Variants in CAP2 observed in about 807,000 individuals in gnomAD.
The protein encoded by CAP2 is cyclase associated actin cytoskeleton regulatory protein 2, also known as adenylyl cyclase-associated protein 2.
CAP2 carries 24 observed loss-of-function variants against 57.7 expected under a neutral mutation model. That is an observed-to-expected ratio of 0.42 (90% CI 0.30 to 0.58). The LOEUF (loss-of-function observed/expected upper bound fraction) is 0.58. Among genes scored for constraint, CAP2 ranks in the 20% least tolerant of loss-of-function variants. The pLI is 0.22. For missense variants in CAP2, 501 were observed against 590.3 expected (o/e 0.85, Z 1.57); for synonymous variants, 194 against 207.2 (o/e 0.94, Z 0.55).
intron 1 of CAP2, among the ~76,000 whole-genome samples, chr6:17,413,540 A>G (rs1388432506): frequency 6.6e-6 from 1 of 152,196 alleles, no homozygotes; most frequent in East Asian, 1.9e-4. Context: ...AGATATGAGC[A>G]TTGTGCCTAG....
chr6:17,511,856 G>A (rs1032367247), intron 6 of CAP2, among the ~76,000 whole-genome samples: 18 of 152,020 alleles, frequency 1.2e-4, no homozygotes, highest in Non-Finnish European at 2.2e-4. Flanking sequence ...CCCTACCATA[G>A]CTTCTTCCAG....
chr6:17,464,200 T>A (rs1760803335), intron 4 of CAP2, among the ~76,000 whole-genome samples: 1 of 152,244 alleles, frequency 6.6e-6, no homozygotes, highest in South Asian at 2.1e-4. Context: ...GTAGTGGCAC[T>A]ACCAGCATAC....
At chr6:17,503,432 C>G (rs948824229) in intron 4 of CAP2, among the ~76,000 whole-genome samples, 1 of 151,964 alleles carries the variant, frequency 6.6e-6, no homozygotes, top group Non-Finnish European at 1.5e-5. Flanking sequence ...ACCAAAACCC[C>G]GTCTCTTCTA....
At chr6:17,461,645 C>T (rs1760721945) in intron 3 of CAP2, among the ~76,000 whole-genome samples, 1 of 151,884 alleles carries the variant, frequency 6.6e-6, no homozygotes, top group Non-Finnish European at 1.5e-5. Flanking sequence ...AATGGTTAAT[C>T]CTGGGTGATC....
chr6:17,497,704 T>C (rs1028385), intron 4 of CAP2, among the ~76,000 whole-genome samples: 101,014 of 152,016 alleles, frequency 0.66, 34,358 homozygotes, highest in East Asian at 0.73. Flanking sequence ...ACACTAGAGC[T>C]TCCTCTGTCT....
chr6:17,539,204 C>G (rs192010997), intron 7 of CAP2, 65 bp from the exon 8 acceptor site: 1 of 1,487,930 alleles, frequency 6.7e-7, no homozygotes, highest in East Asian at 2.3e-5. Context: ...TCGACTCTCT[C>G]GGGCAAAATC....
intron 3 of CAP2, among the ~76,000 whole-genome samples, chr6:17,454,915 C>T (rs1468932191): frequency 6.6e-6 from 1 of 152,072 alleles, no homozygotes; most frequent in Non-Finnish European, 1.5e-5. Context: ...TCTAGACATT[C>T]ATCCCGTCAC....
chr6:17,513,245 T>C lies in CAP2; in HGVS notation c.531-604T>C, dbSNP rs1232589690. 6.6e-6 allele frequency among the ~76,000 whole-genome samples: 1 copy of C among 152,118 alleles called. No individual in the cohort carries two copies. Among genetic ancestry groups the C allele is most frequent in the East Asian group, 1.9e-4 (1 of 5,188 alleles). ...CTGGTTTGTATTGTCATTCAAAGTA[T>C]TAAATTAAGGGAATTTAAGTAAATG... On this transcript the variant is annotated intron_variant, in intron 6 of 12. Coordinates refer to ENST00000229922, the MANE Select transcript of CAP2 (RefSeq NM_006366.3). The surrounding 1 kb of genome is among the most constrained non-coding windows in gnomAD (Gnocchi z 4.3).
intron 4 of CAP2, among the ~76,000 whole-genome samples, chr6:17,465,659 G>A (rs891411783): frequency 1.3e-5 from 2 of 152,198 alleles, no homozygotes; most frequent in Admixed American, 1.3e-4. Context: ...AGAGGCTGAA[G>A]AAGAGACCCA....
intron 7 of CAP2, among the ~76,000 whole-genome samples, chr6:17,533,802 G>A (rs1450073383): frequency 2.0e-5 from 3 of 151,952 alleles, no homozygotes; most frequent in Admixed American, 6.6e-5. Context: ...TCCTGACCTC[G>A]TGATCCACCC....
At position 17,461,709 on chromosome 6, in the gene CAP2, A is replaced by T. The variant is rs183537134; in HGVS notation, c.223-1287A>T. 3.2e-3 allele frequency among the ~76,000 whole-genome samples: 493 copies of T among 151,928 alleles called. 3 individuals are homozygous for T. The highest frequency in any genetic ancestry group is 0.012 in the African/African-American group (481 of 41,466). On this transcript the variant is annotated intron_variant, in intron 3 of 12. Coordinates refer to ENST00000229922, the MANE Select transcript of CAP2 (RefSeq NM_006366.3). The stretch of plus-strand genomic sequence containing the variant: ...AATTTTTTTAATTTAAAAAATTAAC[A>T]AGGCCAGGCGTGGTGGCTCACACCT...
intron 7 of CAP2, among the ~76,000 whole-genome samples, chr6:17,529,361 T>G (rs6919368): frequency 0.24 from 35,923 of 151,116 alleles, 5,104 homozygotes; most frequent in African/African-American, 0.4. Context: ...ACACACTCTG[T>G]CTGGGCGTGG....
chr6:17,503,671 T>C (rs1450294174), intron 4 of CAP2, among the ~76,000 whole-genome samples: 1 of 152,016 alleles, frequency 6.6e-6, no homozygotes, highest in Non-Finnish European at 1.5e-5. Flanking sequence ...GACCTCATTT[T>C]AATTTAATCA....
intron 4 of CAP2, among the ~76,000 whole-genome samples, chr6:17,473,445 G>A (rs1432529997): frequency 6.6e-6 from 1 of 152,210 alleles, no homozygotes; most frequent in Non-Finnish European, 1.5e-5. Flanking sequence ...TATAAAAAGT[G>A]TAAGAGTTGC....
At position 17,514,150 on chromosome 6, in the gene CAP2, G is replaced by T. The variant is rs144535924; in HGVS notation, c.636+196G>T. Among the ~76,000 whole-genome samples, 612 of 152,124 alleles carry T rather than the reference G, an allele frequency of 4.0e-3. 4 individuals are homozygous for T. Among genetic ancestry groups the T allele is most frequent in the Non-Finnish European group, 4.3e-3 (294 of 67,980 alleles). On this transcript the variant is annotated intron_variant, in intron 7 of 12. Coordinates refer to ENST00000229922, the MANE Select transcript of CAP2 (RefSeq NM_006366.3). ...AGGCTGAGCTGGGCAGATCATTGAG[G>T]TCAGGAGTTCAAGACCAGCCTGGCA... is the stretch of plus-strand genomic sequence containing the variant.
At chr6:17,396,468 A>G (rs1758667444) in intron 1 of CAP2, among the ~76,000 whole-genome samples, 1 of 152,200 alleles carries the variant, frequency 6.6e-6, no homozygotes, top group Non-Finnish European at 1.5e-5. Context: ...ATTTGGCCAT[A>G]AAAAAGAGTG....
chr6:17,482,879 G>A (rs1173239464), intron 4 of CAP2, among the ~76,000 whole-genome samples: 1 of 152,178 alleles, frequency 6.6e-6, no homozygotes, highest in African/African-American at 2.4e-5. Context: ...GAATTAGTGG[G>A]GGGACACCAC....
In CAP2 at chr6:17,513,856, C is replaced by T. The variant is rs755478362; in HGVS notation, c.538C>T (p.Arg180Cys). The T allele has an allele frequency of 3.4e-5, 55 of 1,606,544 alleles. No individual in the cohort carries two copies. The highest frequency in any genetic ancestry group is 4.6e-5 in the Non-Finnish European group (54 of 1,173,230). The change falls in exon 7 of 13, where the codon CGT becomes TGT. Residue 180 changes from arginine to cysteine, a missense_variant. By Grantham distance (180) the Arg-to-Cys change is radical. Transcript: ENST00000229922. The surrounding 1 kb of genome is among the most constrained non-coding windows in gnomAD (Gnocchi z 4.3). ...VLKDYKHSDL[R>C]HVDWVKSYLN... ...CCCTCTTTCACAACAAAGTGATTTGCGTCATGTGGATTGGGTGAAGTCATA... is the reference window on the plus strand; with the variant it reads ...CCCTCTTTCACAACAAAGTGATTTGTGTCATGTGGATTGGGTGAAGTCATA...
At chr6:17,468,681 A>G (rs1424231844) in intron 4 of CAP2, among the ~76,000 whole-genome samples, 1 of 152,220 alleles carries the variant, frequency 6.6e-6, no homozygotes, top group African/African-American at 2.4e-5. Flanking sequence ...TATAGTCTAG[A>G]ATTTGTCAAG....
Sources: allele counts gnomAD v4.1 joint callset (sites outside exome capture counted in the v4.1 genomes callset), GRCh38; gene constraint gnomAD v4.1.1; non-coding constraint Gnocchi (gnomAD v3.1); transcripts MANE v1.5; gene names NCBI Gene and HGNC (gene_info 2026-07-23, HGNC 2026-07-21).